Variants in TTC39B observed in about 807,000 individuals in gnomAD.
The protein encoded by TTC39B is tetratricopeptide repeat domain 39B, also known as tetratricopeptide repeat protein 39B.
A neutral mutation model predicts 96.6 loss-of-function variants in TTC39B; 92 were observed. That is an observed-to-expected ratio of 0.95 (90% CI 0.80 to 1.13). The LOEUF is 1.13. Among genes scored for constraint, TTC39B ranks in the 50% most tolerant of loss-of-function variants. TTC39B has a pLI of 0.00. For missense variants in TTC39B, 955 were observed against 809.3 expected, an observed-to-expected ratio of 1.18 and a Z score of -2.18; for synonymous variants, 367 against 299.4, an observed-to-expected ratio of 1.23 and a Z score of -2.33.
chr9:15,211,420 A>T (rs7469974), intron 4 of TTC39B, 23 bp from the exon 5 acceptor site: 1 of 1,455,548 alleles, frequency 6.9e-7, no homozygotes, highest in South Asian at 1.5e-5. Context: ...CAGGGAATTC[A>T]GACATTTTAA....
At chr9:15,252,695 G>C (rs1392014533) in intron 2 of TTC39B, among the ~76,000 whole-genome samples, 1 of 152,048 alleles carries the variant, frequency 6.6e-6, no homozygotes, top group East Asian at 1.9e-4. Flanking sequence ...TCTGAACAAA[G>C]TATGGACTTT....
chr9:15,191,272 T>C lies in TTC39B; in HGVS notation c.931-17A>G, dbSNP rs1818843018. On this transcript the variant is annotated splice_polypyrimidine_tract_variant and intron_variant, in intron 9 of 19. Transcript: ENST00000512701. ...GGACAGCATCTGTAAGAAAAAAATA[T>C]ACAGTGTACTTATGTGTTAGTGTTT... The C allele has an allele frequency of 1.9e-6, 3 of 1,571,310 alleles. No homozygotes were observed. The highest frequency in any genetic ancestry group is 1.7e-6 in the Non-Finnish European group (2 of 1,145,066).
chr9:15,246,621 T>C (rs1245185885), intron 2 of TTC39B, among the ~76,000 whole-genome samples: 1 of 152,218 alleles, frequency 6.6e-6, no homozygotes, highest in Non-Finnish European at 1.5e-5. Flanking sequence ...AGACTAGCAG[T>C]TGCTACTTCT....
chr9:15,185,298 C>T (rs1290493931), exon 16 of TTC39B: 1 of 1,612,934 alleles, frequency 6.2e-7, no homozygotes, highest in South Asian at 1.1e-5. Context: ...GTAAGATGAG[C>T]TTCACAGGTG....
intron 9 of TTC39B, among the ~76,000 whole-genome samples, 194 bp from the exon 10 acceptor site, chr9:15,191,449 C>A (rs941957699): frequency 5.3e-5 from 8 of 152,150 alleles, no homozygotes; most frequent in East Asian, 1.9e-4. Flanking sequence ...AGACAAGGAA[C>A]CTTTAAAAAG....
exon 15 of TTC39B, chr9:15,187,031 G>C: frequency 6.2e-7 from 1 of 1,610,088 alleles, no homozygotes; most frequent in African/African-American, 1.3e-5. Flanking sequence ...GAACACATAA[G>C]TTGCCTTGAG....
intron 1 of TTC39B, among the ~76,000 whole-genome samples, chr9:15,301,470 C>T (rs1205009644): frequency 1.3e-5 from 2 of 152,124 alleles, no homozygotes; most frequent in Admixed American, 1.3e-4. Flanking sequence ...AAGAATAAAT[C>T]TCAGCTGGGA....
At chr9:15,267,205 C>A (rs1275612789) in intron 2 of TTC39B, among the ~76,000 whole-genome samples, 1 of 152,246 alleles carries the variant, frequency 6.6e-6, no homozygotes, top group Non-Finnish European at 1.5e-5. Context: ...GCACCCTTAA[C>A]TCAGACTTCT....
chr9:15,254,642 T>C (rs1396353513), intron 2 of TTC39B, among the ~76,000 whole-genome samples: 1 of 152,102 alleles, frequency 6.6e-6, no homozygotes, highest in African/African-American at 2.4e-5. Flanking sequence ...ACAAAGAGAA[T>C]GTATCGTTTA....
chr9:15,241,742 C>CTTTTTT (rs5896669), intron 2 of TTC39B, among the ~76,000 whole-genome samples: 1 of 129,154 alleles, frequency 7.7e-6, no homozygotes, highest in Non-Finnish European at 1.6e-5. Flanking sequence ...TTAATTAACT[C>CTTTTTT]TTTTTTTTTT....
At position 15,213,753 on chromosome 9, in the gene TTC39B, C is replaced by T. The variant is rs150839854; in HGVS notation, c.482+386G>A. ...ATAATAGTCTTCTTATCTTAAATTTCTTAATAGCATTGAGATCAGCATATT... is the reference window on the plus strand; with the variant it reads ...ATAATAGTCTTCTTATCTTAAATTTTTTAATAGCATTGAGATCAGCATATT... On this transcript the variant is annotated intron_variant, in intron 4 of 19. Transcript: ENST00000512701. Among the ~76,000 whole-genome samples the T allele has an allele frequency of 4.5e-3, 690 of 152,282 alleles. 9 individuals are homozygous for T. Among genetic ancestry groups the T allele is most frequent in the Non-Finnish European group, 4.2e-3 (287 of 68,018 alleles).
chr9:15,264,815 G>A (rs1445949391), intron 2 of TTC39B, among the ~76,000 whole-genome samples: 1 of 150,774 alleles, frequency 6.6e-6, no homozygotes, highest in Non-Finnish European at 1.5e-5. Flanking sequence ...AAAACAAAAA[G>A]TACACAAAGG....
At chr9:15,202,132 C>T (rs1448232171) in intron 7 of TTC39B, among the ~76,000 whole-genome samples, 1 of 152,090 alleles carries the variant, frequency 6.6e-6, no homozygotes, top group Non-Finnish European at 1.5e-5. Context: ...GAAGAGGGGA[C>T]AAACATGGAT....
At chr9:15,211,608 C>T (rs1183136391) in intron 4 of TTC39B, among the ~76,000 whole-genome samples, 3 of 152,096 alleles carry the variant, frequency 2.0e-5, no homozygotes, top group Admixed American at 1.3e-4. Flanking sequence ...CAAAATGTTC[C>T]AGGTTGAAGG....
chr9:15,224,392 C>T (rs536527609), intron 3 of TTC39B: 3 of 152,404 alleles, frequency 2.0e-5, no homozygotes, highest in Admixed American at 6.5e-5. Flanking sequence ...TAGTCTTCCT[C>T]TCTCACACAT....
intron 2 of TTC39B, among the ~76,000 whole-genome samples, chr9:15,233,490 C>A (rs921932016): frequency 2.7e-5 from 4 of 150,654 alleles, no homozygotes; most frequent in African/African-American, 9.7e-5. Context: ...CCAGTGCCTG[C>A]GATTGCAGGC....
chr9:15,178,571 T>C (rs1217288608), intron 17 of TTC39B, among the ~76,000 whole-genome samples: 1 of 152,168 alleles, frequency 6.6e-6, no homozygotes, highest in Non-Finnish European at 1.5e-5. Flanking sequence ...CAAGACCCCA[T>C]CTGATATACA....
chr9:15,190,083 A>G (rs1489197189), intron 11 of TTC39B, among the ~76,000 whole-genome samples: 1 of 152,148 alleles, frequency 6.6e-6, no homozygotes, highest in Non-Finnish European at 1.5e-5. Context: ...CCAAAATTTC[A>G]TTTTCTGCAA....
At chr9:15,287,067 T>C (rs1390383997) in intron 1 of TTC39B, among the ~76,000 whole-genome samples, 2 of 152,240 alleles carry the variant, frequency 1.3e-5, no homozygotes, top group Non-Finnish European at 2.9e-5. Flanking sequence ...TTCTTTTTCA[T>C]TCCAAAATGG....
Sources: gnomAD v4.1 joint callset for allele counts (sites outside exome capture counted in the v4.1 genomes callset) on GRCh38, gnomAD v4.1.1 for gene constraint, MANE v1.5 for transcripts, NCBI Gene and HGNC (gene_info 2026-07-23, HGNC 2026-07-21) for gene names.